FNBP1: variants seen among roughly 807,000 people sequenced by gnomAD.
The protein encoded by FNBP1 is formin-binding protein 1.
FNBP1 carries 26 observed loss-of-function variants against 90.6 expected under a neutral mutation model. The observed-to-expected ratio is 0.29, with a 90% CI of 0.21 to 0.40. The LOEUF (loss-of-function observed/expected upper bound fraction) is 0.40, where lower values mean the gene tolerates loss of function less well. Ranked by LOEUF, FNBP1 falls within the 10% of genes least tolerant of loss-of-function variation. The probability of loss-of-function intolerance (pLI) is 1.00; values close to 1 mark genes in which losing one functional copy is unlikely to be tolerated. For missense variants in FNBP1, 635 were observed against 768.0 expected (o/e 0.83, Z 2.05); for synonymous variants, 260 against 265.2 (o/e 0.98, Z 0.19).
At chr9:130,023,570 CTGTGTTG>C (rs1200649051) in intron 1 of FNBP1, among the ~76,000 whole-genome samples, 1 of 152,192 alleles carries the variant, frequency 6.6e-6, no homozygotes, top group Non-Finnish European at 1.5e-5. Flanking sequence ...CCGGAGGAGA[CTGTGTTG>C]CAAGAGGGAC....
At chr9:129,983,426 A>T (rs924129678) in intron 2 of FNBP1, among the ~76,000 whole-genome samples, 1 of 152,218 alleles carries the variant, frequency 6.6e-6, no homozygotes, top group African/African-American at 2.4e-5. Flanking sequence ...ATTTCAAAGG[A>T]TATTTATCTC....
the FNBP1 span, chr9:130,053,758 C>A: frequency 1.6e-6 from 1 of 622,292 alleles, no homozygotes; most frequent in Non-Finnish European, 2.8e-6. Flanking sequence ...CGAAGGGCCC[C>A]GAGGTGGGCA....
chr9:130,037,028 C>T (rs938866052), intron 1 of FNBP1, among the ~76,000 whole-genome samples: 2 of 131,500 alleles, frequency 1.5e-5, no homozygotes, highest in African/African-American at 5.8e-5. Context: ...CTGGGCAACC[C>T]AGCGAGACTC....
chr9:129,942,009 T>C (rs2044397223), intron 6 of FNBP1, among the ~76,000 whole-genome samples: 1 of 151,564 alleles, frequency 6.6e-6, no homozygotes, highest in Non-Finnish European at 1.5e-5. Flanking sequence ...AGGCGGAGGT[T>C]GTAGTGAGCT....
In FNBP1 at chr9:129,953,857, GA is replaced by G. The variant is rs2132681571; in HGVS notation, c.513+3502del. Among the ~76,000 whole-genome samples, 3 of 151,842 alleles carry G rather than the reference GA, an allele frequency of 2.0e-5. No individual in the cohort carries two copies. The East Asian group carries it at 5.8e-4, about 29-fold the overall frequency. The stretch of plus-strand genomic sequence containing the variant: ...GGTGGGGGAAGAAGTTAAATAAATA[GA>G]AAATAAAAATAGAAAAGGGAGGCTC... On this transcript the variant is annotated intron_variant, in intron 6 of 16. Transcript: ENST00000446176.
At chr9:129,931,180 C>T (rs1465219537) in intron 6 of FNBP1, among the ~76,000 whole-genome samples, 1 of 152,082 alleles carries the variant, frequency 6.6e-6, no homozygotes, top group Non-Finnish European at 1.5e-5. Context: ...CCTATAGTTC[C>T]AGTTACTCAG....
chr9:130,047,528 G>A (rs1004589816), upstream of FNBP1, among the ~76,000 whole-genome samples: 1 of 152,298 alleles, frequency 6.6e-6, no homozygotes, highest in South Asian at 2.1e-4. Flanking sequence ...CAGGAGAATC[G>A]CGTGAACCTG....
chr9:129,928,916 C>T (rs1005579361), intron 7 of FNBP1, among the ~76,000 whole-genome samples: 10 of 151,926 alleles, frequency 6.6e-5, no homozygotes, highest in Middle Eastern at 6.8e-3. Flanking sequence ...CACAGCAAGA[C>T]CCTATCTCTA....
intron 1 of FNBP1, among the ~76,000 whole-genome samples, chr9:130,017,115 T>C (rs2057316321): frequency 6.6e-6 from 1 of 152,070 alleles, no homozygotes; most frequent in African/African-American, 2.4e-5. Flanking sequence ...GAGCATGCAA[T>C]AACGTGAGAA....
At chr9:129,914,787 ATATATATC>A (rs1210855956) in intron 11 of FNBP1, 26 of 145,996 alleles carry the variant, frequency 1.8e-4, no homozygotes, top group African/African-American at 7.9e-4. Context: ...ATATATATAT[ATATATATC>A]TCACCATAAA....
chr9:129,931,307 A>G (rs1239763603), intron 6 of FNBP1, among the ~76,000 whole-genome samples: 1 of 152,078 alleles, frequency 6.6e-6, no homozygotes, highest in Non-Finnish European at 1.5e-5. Context: ...AAAAAATAAT[A>G]ATAACAAATA....
At chr9:130,052,586 G>C in the FNBP1 span, among the ~76,000 whole-genome samples, 1 of 151,660 alleles carries the variant, frequency 6.6e-6, no homozygotes, top group Non-Finnish European at 1.5e-5. Context: ...GCGCGCGGCC[G>C]TGATGCCCCG....
At chr9:130,044,519 C>T (rs2417175), upstream of FNBP1, among the ~76,000 whole-genome samples, 134,349 of 152,052 alleles carry the variant, frequency 0.88, 60,313 homozygotes, top group East Asian at 0.97. Context: ...GTCCCAGCTA[C>T]TTGGGAGACT....
chr9:129,895,799 GT>G (rs71738364), intron 16 of FNBP1, 38 bp downstream of exon 16: 4,068 of 1,346,320 alleles, frequency 3.0e-3, no homozygotes, highest in South Asian at 6.4e-3. Flanking sequence ...TTTTTTTTAA[GT>G]TTTTTTTTTT....
Position 129,900,640 on chromosome 9 carries a change from C to T in FNBP1, c.1429-93G>A, listed in dbSNP as rs1588386790. The T allele has an allele frequency of 1.6e-6, 2 of 1,263,302 alleles. No homozygotes were observed. The highest frequency in any genetic ancestry group is 1.0e-6 in the Non-Finnish European group (1 of 984,200). The allele number at this position is 1,263,302 out of a possible 1,614,324, so 78.3% of individuals were successfully genotyped here. On this transcript the variant is annotated intron_variant, in intron 13 of 16. Transcript: ENST00000446176. The surrounding 1 kb of genome is among the most constrained non-coding windows in gnomAD (Gnocchi z 4.1). The stretch of plus-strand genomic sequence containing the variant: ...GTCCCAAAGGCCATCTGAGGGCCAG[C>T]CCGGAGCATCCTAAGGTCCCAAACT...
At chr9:129,941,651 G>T (rs955606294) in intron 6 of FNBP1, among the ~76,000 whole-genome samples, 1 of 152,112 alleles carries the variant, frequency 6.6e-6, no homozygotes, top group South Asian at 2.1e-4. Flanking sequence ...TTTTTGTAGA[G>T]ACAAGGTCTT....
upstream of FNBP1, chr9:130,043,217 A>C (rs890276803): frequency 2.4e-4 from 72 of 298,378 alleles, no homozygotes; most frequent in Middle Eastern, 1.8e-3. Flanking sequence ...CCCGCCCTAC[A>C]CCCGGAGAGC....
At chr9:129,891,153 TTA>T (rs1564241068) in intron 16 of FNBP1, among the ~76,000 whole-genome samples, 10 of 135,642 alleles carry the variant, frequency 7.4e-5, no homozygotes, top group Non-Finnish European at 6.3e-5. Flanking sequence ...AGACTCCGTC[TTA>T]AAAAAAAAAA....
chr9:129,912,098 A>G (rs1207436212), intron 11 of FNBP1, among the ~76,000 whole-genome samples: 1 of 152,114 alleles, frequency 6.6e-6, no homozygotes, highest in Non-Finnish European at 1.5e-5. Context: ...ACTGGTGGGA[A>G]GGAGGGGGCA....
Sources: gnomAD v4.1 joint callset for allele counts (sites outside exome capture counted in the v4.1 genomes callset) on GRCh38, gnomAD v4.1.1 for gene constraint, Gnocchi (gnomAD v3.1) non-coding constraint, MANE v1.5 for transcripts, NCBI Gene and HGNC (gene_info 2026-07-23, HGNC 2026-07-21) for gene names.